Variants in FBXL17 observed in about 807,000 individuals in gnomAD.
FBXL17 encodes the protein F-box and leucine rich repeat protein 17, also known as F-box/LRR-repeat protein 17.
FBXL17 carries 22 observed loss-of-function variants against 66.2 expected under a neutral mutation model. The observed-to-expected ratio is 0.33, with a 90% CI of 0.24 to 0.47. The LOEUF (loss-of-function observed/expected upper bound fraction) is 0.47, where lower values mean the gene tolerates loss of function less well. FBXL17 is among the 20% of genes least tolerant of loss of function. The pLI is 1.00. For missense variants in FBXL17, 878 were observed against 948.2 expected, an observed-to-expected ratio of 0.93 and a Z score of 0.97; for synonymous variants, 474 against 400.5, an observed-to-expected ratio of 1.18 and a Z score of -2.19.
chr5:108,096,880 A>G (rs1332187212), intron 6 of FBXL17, among the ~76,000 whole-genome samples: 1 of 152,204 alleles, frequency 6.6e-6, no homozygotes, highest in Non-Finnish European at 1.5e-5. Context: ...TGGAAGTTAA[A>G]AGTCCCCTAT....
At chr5:108,274,310 C>T (rs1757397587) in intron 4 of FBXL17, among the ~76,000 whole-genome samples, 1 of 152,164 alleles carries the variant, frequency 6.6e-6, no homozygotes, top group South Asian at 2.1e-4. Context: ...GAGACCTACC[C>T]CCAGGTGCGC....
chr5:107,936,131 T>C (rs1475306868), intron 7 of FBXL17, among the ~76,000 whole-genome samples: 2 of 141,962 alleles, frequency 1.4e-5, no homozygotes, highest in African/African-American at 5.4e-5. Context: ...GAGTATGGTA[T>C]CCATTTTTCT....
intron 7 of FBXL17, among the ~76,000 whole-genome samples, chr5:108,014,241 T>C (rs547829594): frequency 2.0e-5 from 3 of 152,066 alleles, no homozygotes; most frequent in South Asian, 2.1e-4. Flanking sequence ...CTAACAGGAA[T>C]TGAGGAAAGA....
intron 6 of FBXL17, among the ~76,000 whole-genome samples, chr5:108,028,510 A>C (rs1296471268): frequency 1.3e-5 from 2 of 152,166 alleles, no homozygotes; most frequent in Non-Finnish European, 2.9e-5. Context: ...GATTTCAGGC[A>C]TCATTCATGA....
At chr5:108,230,125 T>G (rs1755264325) in intron 4 of FBXL17, among the ~76,000 whole-genome samples, 1 of 152,196 alleles carries the variant, frequency 6.6e-6, no homozygotes, top group African/African-American at 2.4e-5. Flanking sequence ...CTGGTAGGAA[T>G]GTAAAACTAG....
intron 4 of FBXL17, among the ~76,000 whole-genome samples, chr5:108,270,943 T>C (rs944742604): frequency 2.6e-5 from 4 of 152,162 alleles, no homozygotes; most frequent in African/African-American, 9.6e-5. Flanking sequence ...ATGGTAAACA[T>C]TCATCTCTCC....
At chr5:108,135,013 T>C (rs76662450) in intron 6 of FBXL17, among the ~76,000 whole-genome samples, 67 of 152,310 alleles carry the variant, frequency 4.4e-4, no homozygotes, top group Non-Finnish European at 7.4e-4. Flanking sequence ...TTATCCCTTA[T>C]GTTCCAAAGA....
chr5:108,127,352 T>C (rs575927232), intron 6 of FBXL17, among the ~76,000 whole-genome samples: 2 of 152,152 alleles, frequency 1.3e-5, no homozygotes, highest in Non-Finnish European at 2.9e-5. Context: ...GTTCAAAACA[T>C]AGTAAGAAAG....
chr5:107,929,509 C>T (rs1238216585), intron 7 of FBXL17, among the ~76,000 whole-genome samples: 1 of 152,100 alleles, frequency 6.6e-6, no homozygotes, highest in Non-Finnish European at 1.5e-5. Flanking sequence ...TACTTAAGCA[C>T]ACACATAATA....
intron 4 of FBXL17, among the ~76,000 whole-genome samples, chr5:108,330,972 G>C (rs534956313): frequency 1.3e-5 from 2 of 152,112 alleles, no homozygotes; most frequent in Non-Finnish European, 2.9e-5. Context: ...ACTGTCGCTT[G>C]AACCCAGGAG....
At chr5:107,898,847 A>G (rs1006735777) in intron 7 of FBXL17, among the ~76,000 whole-genome samples, 11 of 152,026 alleles carry the variant, frequency 7.2e-5, no homozygotes, top group Non-Finnish European at 1.6e-4. Context: ...TATGTGCCAC[A>G]TTTTCTTTAT....
intron 4 of FBXL17, among the ~76,000 whole-genome samples, chr5:108,230,297 A>C (rs1018123243): frequency 6.6e-5 from 10 of 152,222 alleles, no homozygotes; most frequent in Admixed American, 4.6e-4. Context: ...ACAATTCACA[A>C]CTGCAAAAAT....
chr5:108,352,397 A>AT (rs1747709386), intron 3 of FBXL17, among the ~76,000 whole-genome samples: 1 of 152,214 alleles, frequency 6.6e-6, no homozygotes, highest in Admixed American at 6.5e-5. Context: ...CCACAGAAAA[A>AT]CATTCAGAGG....
chr5:107,896,258 T>C (rs1052361304), intron 7 of FBXL17, among the ~76,000 whole-genome samples: 23 of 152,232 alleles, frequency 1.5e-4, no homozygotes, highest in African/African-American at 5.5e-4. Context: ...CAATGAACTA[T>C]TAAACTTTAG....
intron 7 of FBXL17, among the ~76,000 whole-genome samples, chr5:107,948,117 T>C (rs1473639856): frequency 6.6e-6 from 1 of 152,006 alleles, no homozygotes; most frequent in African/African-American, 2.4e-5. Flanking sequence ...AAAAATAGGC[T>C]CCACTTTCTC....
intron 4 of FBXL17, among the ~76,000 whole-genome samples, chr5:108,342,770 A>G (rs1580852910): frequency 6.6e-6 from 1 of 152,324 alleles, no homozygotes; most frequent in South Asian, 2.1e-4. Context: ...TTAATTATAT[A>G]AAACAGCATA....
chr5:108,326,262 T>C (rs951630348), intron 4 of FBXL17, among the ~76,000 whole-genome samples: 1 of 151,898 alleles, frequency 6.6e-6, no homozygotes, highest in African/African-American at 2.4e-5. Context: ...ATAGAACTCT[T>C]ATAACATGTA....
Position 108,238,311 on chromosome 5 carries a change from C to T in FBXL17, c.1507-14083G>A, listed in dbSNP as rs74679507. Reference sequence around the variant, plus strand: ...TTATTTAAAGTACTTTTCTTTTAAACCACAGTCAAGACAACAATATTTACT... The same window carrying T: ...TTATTTAAAGTACTTTTCTTTTAAATCACAGTCAAGACAACAATATTTACT... On this transcript the variant is annotated intron_variant, in intron 4 of 8. Coordinates refer to ENST00000542267, the MANE Select transcript of FBXL17 (RefSeq NM_001163315.3). Among the ~76,000 whole-genome samples the T allele has an allele frequency of 3.3e-3, 498 of 152,252 alleles. 3 individuals carry two copies. The highest frequency in any genetic ancestry group is 0.012 in the African/African-American group (482 of 41,556).
chr5:107,992,537 C>A (rs909650781), intron 7 of FBXL17, among the ~76,000 whole-genome samples: 4 of 152,068 alleles, frequency 2.6e-5, no homozygotes, highest in Admixed American at 6.6e-5. Flanking sequence ...CCCCTTTGTC[C>A]TTCTACATGA....
Sources: gnomAD v4.1 joint callset for allele counts (sites outside exome capture counted in the v4.1 genomes callset) on GRCh38, gnomAD v4.1.1 for gene constraint, MANE v1.5 for transcripts, NCBI Gene and HGNC (gene_info 2026-07-23, HGNC 2026-07-21) for gene names.